TMTC3: variants seen among roughly 807,000 people sequenced by gnomAD.
TMTC3 encodes the protein protein O-mannosyl-transferase TMTC3.
A neutral mutation model predicts 92.2 loss-of-function variants in TMTC3; 52 were observed. The observed-to-expected ratio is 0.56, with a 90% CI of 0.45 to 0.71. The LOEUF is 0.71. TMTC3 is among the 30% of genes least tolerant of loss of function. The probability of loss-of-function intolerance (pLI) is 0.00; values close to 1 mark genes in which losing one functional copy is unlikely to be tolerated. For missense variants in TMTC3, 896 were observed against 1,057.1 expected (o/e 0.85, Z 2.11); for synonymous variants, 339 against 363.3 (o/e 0.93, Z 0.76).
chr12:88,173,047 A>G (rs2041222705), intron 8 of TMTC3: 1 of 1,322,008 alleles, frequency 7.6e-7, no homozygotes, highest in South Asian at 1.2e-5. Context: ...GACCATTGCC[A>G]CTTCCATATT....
At chr12:88,185,907 A>C (rs2041372933) in intron 10 of TMTC3, among the ~76,000 whole-genome samples, 1 of 152,230 alleles carries the variant, frequency 6.6e-6, no homozygotes, top group South Asian at 2.1e-4. Context: ...ATTGTGACTT[A>C]TTATCTTTAT....
chr12:88,188,941 C>T lies in TMTC3; in HGVS notation c.1531C>T (p.Pro511Ser). ...TTACATGATGGCTAAATCACTGATG[C>T]CTCAAGTAAGTTGCCATAATTTATC... ...ESYMMAKSLM[P>S]QIIPGKKYAA... Residue 511 changes from proline (P) to serine (S), a missense_variant, in exon 11 of 14, where the codon CCT becomes TCT. Pro to Ser is a moderately conservative substitution (Grantham distance 74). Coordinates refer to ENST00000266712, the MANE Select transcript of TMTC3 (RefSeq NM_181783.4). 6.3e-7 allele frequency: 1 copy of T among 1,575,930 alleles called. No homozygotes were observed. Among genetic ancestry groups the T allele is most frequent in the Non-Finnish European group, 8.7e-7 (1 of 1,153,350 alleles).
intron 1 of TMTC3, among the ~76,000 whole-genome samples, chr12:88,146,591 TTG>T (rs147128254): frequency 1.7e-4 from 25 of 143,074 alleles, no homozygotes; most frequent in Middle Eastern, 7.3e-3. Flanking sequence ...ACCTATATAT[TTG>T]TGTGTGTGTG....
chr12:88,143,079 A>G (rs1454403750), intron 1 of TMTC3, among the ~76,000 whole-genome samples: 4 of 152,032 alleles, frequency 2.6e-5, no homozygotes, highest in Non-Finnish European at 5.9e-5. Flanking sequence ...GGAGTATGAT[A>G]CATCTCTACC....
At position 88,172,691 on chromosome 12, in the gene TMTC3, G is replaced by C. The variant is rs1428549980; in HGVS notation, c.1145G>C (p.Ser382Thr). The part of the protein sequence containing the change: ...VVAERVLYVP[S>T]MGFCILVAHG... ...GCCGAGCGAGTATTATATGTTCCCA[G>C]CATGGGGTTCTGTATTTTGGTAGCC... The change falls in exon 8 of 14, where the codon AGC (serine) becomes ACC (threonine). Residue 382 changes from serine (S) to threonine (T), a missense_variant. Coordinates refer to ENST00000266712, the MANE Select transcript of TMTC3 (RefSeq NM_181783.4). 6.2e-7 allele frequency: 1 copy of C among 1,602,090 alleles called. No homozygotes were observed. Among genetic ancestry groups the C allele is most frequent in the Non-Finnish European group, 8.5e-7 (1 of 1,175,310 alleles).
intron 3 of TMTC3, 30 bp downstream of exon 3, chr12:88,153,539 C>A: frequency 7.3e-7 from 1 of 1,368,090 alleles, no homozygotes; most frequent in South Asian, 1.3e-5. Context: ...GACTTTTTTT[C>A]TTTTTCCTTT....
At chr12:88,165,210 T>C (rs2041130677) in intron 6 of TMTC3, among the ~76,000 whole-genome samples, 1 of 152,110 alleles carries the variant, frequency 6.6e-6, no homozygotes, top group Admixed American at 6.5e-5. Flanking sequence ...TGTGTATAAA[T>C]TCTATTACCC....
At chr12:88,183,155 C>G (rs1229718185) in intron 10 of TMTC3, among the ~76,000 whole-genome samples, 1 of 152,026 alleles carries the variant, frequency 6.6e-6, no homozygotes, top group Non-Finnish European at 1.5e-5. Flanking sequence ...TTCATGGGCT[C>G]TTTGTAATTT....
At position 88,174,598 on chromosome 12, in the gene TMTC3, C is replaced by T. The variant is rs1185681465; in HGVS notation, c.1200-9C>T. ...ATTTTTTTTGTTTTGCTTTTTTTCT[C>T]TTAAACAGTGTATTTAAAAAGCTAT... On this transcript the variant is annotated splice_polypyrimidine_tract_variant and intron_variant, in intron 8 of 13. Transcript: ENST00000266712. 2.5e-6 allele frequency: 4 copies of T among 1,599,134 alleles called. No homozygotes were observed. The highest frequency in any genetic ancestry group is 1.7e-6 in the Non-Finnish European group (2 of 1,175,234).
At chr12:88,172,947 A>G (rs2041221726) in intron 8 of TMTC3, 8 of 1,465,368 alleles carry the variant, frequency 5.5e-6, no homozygotes, top group Non-Finnish European at 7.3e-6. Flanking sequence ...CCCTATATTT[A>G]TGTAATTTGA....
intron 1 of TMTC3, among the ~76,000 whole-genome samples, chr12:88,145,761 G>T (rs2040865718): frequency 6.6e-6 from 1 of 152,198 alleles, no homozygotes; most frequent in Admixed American, 6.5e-5. Context: ...ATGTCCTAAA[G>T]TAGCTACCTG....
At chr12:88,158,535 A>G (rs1245710796) in intron 4 of TMTC3, among the ~76,000 whole-genome samples, 2 of 151,892 alleles carry the variant, frequency 1.3e-5, no homozygotes, top group African/African-American at 2.4e-5. Context: ...AGTATCTGCA[A>G]TAGTTTCATG....
At chr12:88,184,740 CATAAACATAA>C (rs1009598358) in intron 10 of TMTC3, among the ~76,000 whole-genome samples, 2 of 151,850 alleles carry the variant, frequency 1.3e-5, no homozygotes, top group African/African-American at 4.8e-5. Context: ...TAAATAAAGG[CATAAACATAA>C]GTAAACAAAT....
intron 8 of TMTC3, chr12:88,173,231 T>C (rs192566955): frequency 2.3e-6 from 1 of 432,612 alleles, no homozygotes; most frequent in East Asian, 7.6e-5. Flanking sequence ...TCACACTGTA[T>C]ATATGCTTAG....
At chr12:88,193,340 C>G (rs1312871717) in intron 13 of TMTC3, among the ~76,000 whole-genome samples, 2 of 151,960 alleles carry the variant, frequency 1.3e-5, no homozygotes, top group African/African-American at 4.8e-5. Flanking sequence ...TATAATTTAG[C>G]AAAACTAAAT....
intron 10 of TMTC3, among the ~76,000 whole-genome samples, chr12:88,184,026 G>A (rs972991455): frequency 6.6e-6 from 1 of 151,960 alleles, no homozygotes; most frequent in African/African-American, 2.4e-5. Context: ...TCCTCACACG[G>A]GGCACCACCT....
intron 10 of TMTC3, among the ~76,000 whole-genome samples, chr12:88,178,411 G>A (rs1249863766): frequency 6.6e-6 from 1 of 151,900 alleles, no homozygotes; most frequent in Non-Finnish European, 1.5e-5. Flanking sequence ...CCATTTTCCA[G>A]TGACTTCTCT....
In TMTC3 at chr12:88,160,068, T is replaced by C. The variant is rs200956553; in HGVS notation, c.509-46T>C. ...TTTAAAATATCTTTTTTTGATATTATAAAATTGTTTTCTGAATTTTTATAT... is the reference window on the plus strand; with the variant it reads ...TTTAAAATATCTTTTTTTGATATTACAAAATTGTTTTCTGAATTTTTATAT... On this transcript the variant is annotated intron_variant, in intron 4 of 13. Coordinates refer to ENST00000266712, the MANE Select transcript of TMTC3 (RefSeq NM_181783.4). The C allele has an allele frequency of 1.2e-5, 16 of 1,294,318 alleles. No homozygotes were observed. In the African/African-American group the frequency reaches 2.1e-4, roughly 17 times the overall value. The allele number at this position is 1,294,318 out of a possible 1,614,324, so 80.2% of individuals were successfully genotyped here.
At chr12:88,171,068 T>C (rs1279672434) in intron 7 of TMTC3, among the ~76,000 whole-genome samples, 1 of 152,146 alleles carries the variant, frequency 6.6e-6, no homozygotes, top group African/African-American at 2.4e-5. Context: ...CAGGATGTTA[T>C]GTGAAGTAAT....
Sources: allele counts gnomAD v4.1 joint callset (sites outside exome capture counted in the v4.1 genomes callset), GRCh38; gene constraint gnomAD v4.1.1; transcripts MANE v1.5; gene names NCBI Gene and HGNC (gene_info 2026-07-23, HGNC 2026-07-21).